Variants in DDX52 observed in about 807,000 individuals in gnomAD.
DDX52 encodes the protein DExD-box helicase 52.
A neutral mutation model predicts 76.1 loss-of-function variants in DDX52; 59 were observed. The observed-to-expected ratio is 0.78, with a 90% confidence interval of 0.63 to 0.96. DDX52 has a LOEUF of 0.96. DDX52 is among the 40% of genes least tolerant of loss of function. The probability of loss-of-function intolerance (pLI) is 0.00; values close to 1 mark genes in which losing one functional copy is unlikely to be tolerated. For missense variants in DDX52, 707 were observed against 703.9 expected (o/e 1.00, Z -0.05); for synonymous variants, 231 against 244.1 (o/e 0.95, Z 0.50).
chr17:37,619,898 G>A (rs1568599306), intron 12 of DDX52, 59 bp from the exon 13 acceptor site: 4 of 1,541,800 alleles, frequency 2.6e-6, no homozygotes, highest in Non-Finnish European at 3.6e-6. Flanking sequence ...GTTTATGAAT[G>A]TAAACCCTCT....
At position 37,632,272 on chromosome 17, in the gene DDX52, T is replaced by C; in HGVS notation, c.444A>G (p.Lys148=). The change falls in exon 4 of 15, where the codon AAA becomes AAG. Residue 148 remains lysine (K), a synonymous_variant. Coordinates refer to ENST00000617633, the MANE Select transcript of DDX52 (RefSeq NM_007010.5). The part of the protein sequence containing the change: ...EKINFLRNKH[K]IHVQGTDLPD... Reference sequence around the variant, plus strand: ...GAAGATCGGTTCCTTGGACGTGAATTTTGTGTTTATTCCGCAAGAAGTTTA... The same window carrying C: ...GAAGATCGGTTCCTTGGACGTGAATCTTGTGTTTATTCCGCAAGAAGTTTA... The C allele has an allele frequency of 6.2e-7, 1 of 1,614,024 alleles. No individual in the cohort carries two copies.
intron 13 of DDX52, 109 bp from the exon 14 acceptor site, chr17:37,618,493 T>TA: frequency 1.1e-6 from 1 of 938,054 alleles, no homozygotes; most frequent in South Asian, 1.9e-5. Context: ...TTTTTTTTTT[T>TA]CCTTTGAGAC....
intron 6 of DDX52, 83 bp downstream of exon 6, chr17:37,628,478 C>A: frequency 8.5e-7 from 1 of 1,170,108 alleles, no homozygotes. Context: ...TATACTTTAA[C>A]AACACTTACA....
In DDX52 at chr17:37,613,980, G is replaced by C. The variant is rs989013677; in HGVS notation, c.*316C>G. 1 of 267,324 alleles carries C rather than the reference G, an allele frequency of 3.7e-6. No individual in the cohort carries two copies. The highest frequency in any genetic ancestry group is 7.0e-6 in the Non-Finnish European group (1 of 143,602). The allele number at this position is 267,324 out of a possible 1,614,324, so 16.6% of individuals were successfully genotyped here. ...TATAATCATTTAAAAGTCACCTACA[G>C]AGCTGGGTGCAGCAGCTTGTGCCTG... is the stretch of plus-strand genomic sequence containing the variant. On this transcript the variant is annotated 3_prime_UTR_variant, in exon 15 of 15. Coordinates refer to ENST00000617633, the MANE Select transcript of DDX52 (RefSeq NM_007010.5).
intron 9 of DDX52, chr17:37,624,044 C>T (rs1464419535): frequency 1.1e-5 from 2 of 188,248 alleles, no homozygotes; most frequent in Non-Finnish European, 1.1e-5. Flanking sequence ...TCAGATAGAT[C>T]GTTTCCTAGC....
Position 37,624,395 on chromosome 17 carries a change from A to G in DDX52, c.1176T>C (p.Phe392=). The G allele has an allele frequency of 6.2e-7, 1 of 1,608,704 alleles. No individual in the cohort carries two copies. The highest frequency in any genetic ancestry group is 8.5e-7 in the Non-Finnish European group (1 of 1,176,438). ...AVETVEQELL[F]VGSETGKLLA... ...GAAGTTTTCCGGTCTCAGATCCAAC[A>G]AAGAGAAGCTCTTGTTCTACAGTTT... Residue 392 remains phenylalanine, a synonymous_variant, in exon 9 of 15, where the codon TTT becomes TTC. Coordinates refer to ENST00000617633, the MANE Select transcript of DDX52 (RefSeq NM_007010.5).
Position 37,627,163 on chromosome 17 carries a change from G to A in DDX52, c.860-303C>T, listed in dbSNP as rs138393841. On this transcript the variant is annotated intron_variant, in intron 6 of 14. Coordinates refer to ENST00000617633, the MANE Select transcript of DDX52 (RefSeq NM_007010.5). Reference sequence around the variant, plus strand: ...TCTGGCATCAGCATTCTGAGTAGCTGGGACTACAGGCACATGCCACTGCAC... The same window carrying A: ...TCTGGCATCAGCATTCTGAGTAGCTAGGACTACAGGCACATGCCACTGCAC... Among the ~76,000 whole-genome samples, 44 of 152,248 alleles carry A rather than the reference G, an allele frequency of 2.9e-4. No individual in the cohort carries two copies. The Middle Eastern group carries it at 0.01, about 35-fold the overall frequency.
rs1290746163 is a variant in DDX52, at chr17:37,633,349, T to G, written c.356A>C (p.Lys119Thr). 6 of 1,612,190 alleles carry G rather than the reference T, an allele frequency of 3.7e-6. No individual in the cohort carries two copies. Among genetic ancestry groups the G allele is most frequent in the Non-Finnish European group, 5.1e-6 (6 of 1,179,260 alleles). ...TAGTTTACTTTCTCTCTGAACTTTT[T>G]TGTCTTCAATCTTTGCTTCTACAGA... ...MSSVEAKIEDKKVQRESKLTS... is the reference protein window; with the variant it reads ...MSSVEAKIEDTKVQRESKLTS... Residue 119 changes from lysine to threonine, a missense_variant, in exon 3 of 15, where the codon AAA (lysine) becomes ACA (threonine). Transcript: ENST00000617633.
At chr17:37,619,058 C>CT (rs533746649) in intron 13 of DDX52, among the ~76,000 whole-genome samples, 1 of 152,276 alleles carries the variant, frequency 6.6e-6, no homozygotes, top group South Asian at 2.1e-4. Flanking sequence ...ATACTGAATA[C>CT]TTTTAAAAGA....
Position 37,619,758 on chromosome 17 carries a change from A to G in DDX52, c.1649+10T>C, listed in dbSNP as rs921292086. On this transcript the variant is annotated intron_variant, in intron 13 of 14. Transcript: ENST00000617633. ...GACAGACAAAGATACAGGTAAATTC[A>G]AGATTGTACCTTAGTAGTTTCTGAA... The G allele has an allele frequency of 2.5e-6, 4 of 1,607,608 alleles. No individual in the cohort carries two copies. Among genetic ancestry groups the G allele is most frequent in the Non-Finnish European group, 3.4e-6 (4 of 1,177,248 alleles).
chr17:37,624,327 A>C lies in DDX52; in HGVS notation c.1227+17T>G. ...TGGCAAACTTTACCAAAATTCAAGAAGGTAATACAAATATACCTTTTTAAC... is the reference window on the plus strand; with the variant it reads ...TGGCAAACTTTACCAAAATTCAAGACGGTAATACAAATATACCTTTTTAAC... On this transcript the variant is annotated intron_variant, in intron 9 of 14. Coordinates refer to ENST00000617633, the MANE Select transcript of DDX52 (RefSeq NM_007010.5). 6.3e-7 allele frequency: 1 copy of C among 1,593,616 alleles called. No homozygotes were observed. Among genetic ancestry groups the C allele is most frequent in the Non-Finnish European group, 8.6e-7 (1 of 1,168,220 alleles).
rs1459798629 is a variant in DDX52, at chr17:37,609,898, C to G, written c.*4398G>C. 1 of 152,392 alleles carries G rather than the reference C, an allele frequency of 6.6e-6. No individual in the cohort carries two copies. Among genetic ancestry groups the G allele is most frequent in the African/African-American group, 2.4e-5 (1 of 41,446 alleles). The allele number at this position is 152,392 out of a possible 1,614,324, so 9.4% of individuals were successfully genotyped here. A position where few individuals can be genotyped will look rare whatever the true frequency, so the allele number is the denominator to read the frequency against. On this transcript the variant is annotated 3_prime_UTR_variant, in exon 15 of 15. Transcript: ENST00000617633. Reference sequence around the variant, plus strand: ...GAACTCGGTAGCTTCATGTTGGCACCTATCACAGACGCTGAAGGCATTTAA... The same window carrying G: ...GAACTCGGTAGCTTCATGTTGGCACGTATCACAGACGCTGAAGGCATTTAA...
intron 5 of DDX52, among the ~76,000 whole-genome samples, chr17:37,629,520 A>C (rs780588335): frequency 4.6e-5 from 7 of 152,000 alleles, no homozygotes; most frequent in Non-Finnish European, 1.0e-4. Context: ...AAAAAGAAAA[A>C]AATTAACCAG....
chr17:37,619,693 C>T (rs961209651), intron 13 of DDX52, 75 bp downstream of exon 13: 31 of 1,363,318 alleles, frequency 2.3e-5, no homozygotes, highest in African/African-American at 4.7e-5. Flanking sequence ...GTCTGGGCAA[C>T]AGAGCAAGAA....
chr17:37,628,715 G>A, intron 5 of DDX52, 43 bp from the exon 6 acceptor site: 1 of 1,369,228 alleles, frequency 7.3e-7, no homozygotes, highest in Non-Finnish European at 1.0e-6. Context: ...TAACATACTT[G>A]GACAAGATGT....
In DDX52 at chr17:37,614,080, T is replaced by G; in HGVS notation, c.*216A>C. The G allele has an allele frequency of 2.0e-6, 1 of 504,172 alleles. No individual in the cohort carries two copies. Among genetic ancestry groups the G allele is most frequent in the South Asian group, 2.9e-5 (1 of 34,190 alleles). The allele number at this position is 504,172 out of a possible 1,614,324, so 31.2% of individuals were successfully genotyped here. ...GAGTTCAAGACCAGCCTGGACAACATGGCAAGACCCTCATCTCTACAGGAA... is the reference window on the plus strand; with the variant it reads ...GAGTTCAAGACCAGCCTGGACAACAGGGCAAGACCCTCATCTCTACAGGAA... On this transcript the variant is annotated 3_prime_UTR_variant, in exon 15 of 15. Coordinates refer to ENST00000617633, the MANE Select transcript of DDX52 (RefSeq NM_007010.5).
chr17:37,625,955 T>C lies in DDX52; in HGVS notation c.1076A>G (p.Asp359Gly), dbSNP rs747841191. The change falls in exon 8 of 15, where the codon GAT (aspartate) becomes GGT (glycine). Residue 359 changes from aspartate (D) to glycine (G), a missense_variant. Physicochemically the swap from Asp to Gly is moderately conservative, Grantham distance 94 (BLOSUM62 -1). Transcript: ENST00000617633. ...GTTGAGTTTGCACCACTGTTCAACA[T>C]CATATGCAAAAGTTGCACTGAACAT... Reference protein sequence around the residue: ...RAMFSATFAYDVEQWCKLNLD... With the variant: ...RAMFSATFAYGVEQWCKLNLD... 3 of 1,614,038 alleles carry C rather than the reference T, an allele frequency of 1.9e-6. No homozygotes were observed. In the African/African-American group the frequency reaches 4.0e-5, roughly 22 times the overall value.
rs1184042343 is a variant in DDX52 at position 37,626,240 on chromosome 17, A to C, written c.933-142T>G. 7.5e-6 allele frequency: 6 copies of C among 799,090 alleles called. No homozygotes were observed. In the East Asian group the frequency reaches 1.1e-4, roughly 14 times the overall value. The allele number at this position is 799,090 out of a possible 1,614,324, so 49.5% of individuals were successfully genotyped here. ...CACTTTATCATACCAAAAAAAAAAA[A>C]TAAGAAACACAAGCAGGTGTCATGG... On this transcript the variant is annotated intron_variant, in intron 7 of 14. Transcript: ENST00000617633.
intron 13 of DDX52, 67 bp downstream of exon 13, chr17:37,619,701 G>GA (rs200572048): frequency 0.13 from 138,384 of 1,103,026 alleles, no homozygotes; most frequent in Non-Finnish European, 0.13. Flanking sequence ...AACAGAGCAA[G>GA]AAAAAAAAAA....
Sources: gnomAD v4.1 joint callset for allele counts (sites outside exome capture counted in the v4.1 genomes callset) on GRCh38, gnomAD v4.1.1 for gene constraint, MANE v1.5 for transcripts, NCBI Gene and HGNC (gene_info 2026-07-23, HGNC 2026-07-21) for gene names.